SERPINB5: variants seen among roughly 807,000 people sequenced by gnomAD.
SERPINB5 encodes the protein serpin family B member 5, also known as serpin B5.
In SERPINB5, 27 loss-of-function variants were observed where a neutral mutation model predicts 32.2. The observed-to-expected ratio is 0.84, with a 90% CI of 0.62 to 1.16. SERPINB5 has a LOEUF of 1.16. Ranked by LOEUF, SERPINB5 falls within the 50% of genes most tolerant of loss-of-function variation. The probability of loss-of-function intolerance (pLI) is 0.00; values close to 1 mark genes in which losing one functional copy is unlikely to be tolerated. For missense variants in SERPINB5, 388 were observed against 436.3 expected (o/e 0.89, Z 0.99); for synonymous variants, 154 against 157.4 (o/e 0.98, Z 0.16).
chr18:63,502,046 T>C (rs1418573815), intron 6 of SERPINB5, among the ~76,000 whole-genome samples: 1 of 152,216 alleles, frequency 6.6e-6, no homozygotes, highest in African/African-American at 2.4e-5. Context: ...CTCTTTAGTT[T>C]AATTAGATCC....
At chr18:63,486,081 A>C (rs1917209251) in intron 2 of SERPINB5, 1 of 152,186 alleles carries the variant, frequency 6.6e-6, no homozygotes, top group East Asian at 1.9e-4. Flanking sequence ...ATGGCTTACA[A>C]TATTATTACA....
intron 4 of SERPINB5, among the ~76,000 whole-genome samples, chr18:63,492,736 G>A (rs1170812071): frequency 1.3e-5 from 2 of 152,174 alleles, no homozygotes; most frequent in African/African-American, 4.8e-5. Context: ...TTTCTTCCCT[G>A]CTCCTTCATT....
intron 4 of SERPINB5, among the ~76,000 whole-genome samples, chr18:63,492,471 C>T (rs893503475): frequency 1.3e-5 from 2 of 152,180 alleles, no homozygotes; most frequent in Non-Finnish European, 2.9e-5. Flanking sequence ...ATGTGAAATT[C>T]TGCCATAAAG....
chr18:63,496,954 G>C (rs554298104), intron 5 of SERPINB5: 1 of 455,640 alleles, frequency 2.2e-6, no homozygotes, highest in African/African-American at 2.0e-5. Flanking sequence ...GAAGAGCAGG[G>C]AGAGACCAAG....
In SERPINB5 at chr18:63,493,025, A is replaced by G; in HGVS notation, c.497A>G (p.Tyr166Cys). The G allele has an allele frequency of 6.2e-7, 1 of 1,614,246 alleles. No individual in the cohort carries two copies. The highest frequency in any genetic ancestry group is 8.5e-7 in the Non-Finnish European group (1 of 1,180,058). Residue 166 changes from tyrosine to cysteine, a missense_variant, in exon 5 of 7, where the codon TAC (tyrosine) becomes TGC (cysteine). Transcript: ENST00000382771. ...QTKILVVNAAYFVGKWMKKFS... is the reference protein window; with the variant it reads ...QTKILVVNAACFVGKWMKKFS... ...AAAATCCTTGTGGTTAATGCTGCCT[A>G]CTTTGTTGGCAAGTGGATGAAGAAA...
chr18:63,487,573 C>T (rs1599388901), intron 3 of SERPINB5, among the ~76,000 whole-genome samples: 1 of 152,308 alleles, frequency 6.6e-6, no homozygotes. Context: ...TATGAATTCA[C>T]AATTTTCATC....
intron 4 of SERPINB5, among the ~76,000 whole-genome samples, chr18:63,491,804 G>A (rs1909348034): frequency 6.6e-6 from 1 of 152,068 alleles, no homozygotes; most frequent in South Asian, 2.1e-4. Flanking sequence ...TGAAATGGGA[G>A]GCTCAGGGTT....
intron 6 of SERPINB5, among the ~76,000 whole-genome samples, chr18:63,502,397 A>T (rs1909588478): frequency 6.6e-6 from 1 of 152,128 alleles, no homozygotes; most frequent in Non-Finnish European, 1.5e-5. Context: ...GGCTTCCCAA[A>T]GTGCTGGGAT....
At chr18:63,485,606 A>T (rs1287605514) in intron 2 of SERPINB5, 2 of 152,212 alleles carry the variant, frequency 1.3e-5, no homozygotes, top group African/African-American at 4.8e-5. Context: ...ATCCCTACCC[A>T]ATCTCCCATT....
chr18:63,492,821 A>C, intron 4 of SERPINB5, 132 bp from the exon 5 acceptor site: 1 of 1,108,346 alleles, frequency 9.0e-7, no homozygotes, highest in Non-Finnish European at 1.3e-6. Flanking sequence ...CTGAAATTTG[A>C]TGGTTGGAAC....
chr18:63,480,719 A>G lies in SERPINB5; in HGVS notation c.-8+3674A>G, dbSNP rs529155742. ...CTACCTCAGACCAGATCAACTTTAT[A>G]GTGTTTTTAGGTCACTTGGGACTAA... On this transcript the variant is annotated intron_variant, in intron 1 of 6. Transcript: ENST00000382771. 3.9e-4 allele frequency among the ~76,000 whole-genome samples: 60 copies of G among 152,334 alleles called. 1 individual carries two copies. Among genetic ancestry groups the G allele is most frequent in the African/African-American group, 1.3e-3 (54 of 41,574 alleles).
intron 6 of SERPINB5, among the ~76,000 whole-genome samples, chr18:63,502,531 A>G (rs984497376): frequency 6.6e-6 from 1 of 152,170 alleles, no homozygotes; most frequent in African/African-American, 2.4e-5. Context: ...CCATTAAAAA[A>G]AAAAAGTAAC....
At chr18:63,482,906 GA>G (rs1482005607) in intron 1 of SERPINB5, among the ~76,000 whole-genome samples, 2 of 148,924 alleles carry the variant, frequency 1.3e-5, no homozygotes, top group African/African-American at 2.4e-5. Flanking sequence ...GTAATGAGAA[GA>G]GTGATATTGT....
chr18:63,503,622 A>C lies in SERPINB5; in HGVS notation c.1028A>C (p.Gln343Pro). ...GAGGTGCCAGGAGCACGGATCCTGCAGCACAAGGATGAATTGAATGCTGAC... is the reference window on the plus strand; with the variant it reads ...GAGGTGCCAGGAGCACGGATCCTGCCGCACAAGGATGAATTGAATGCTGAC... Reference protein sequence around the residue: ...SIEVPGARILQHKDELNADHP... With the variant: ...SIEVPGARILPHKDELNADHP... Residue 343 changes from glutamine to proline, a missense_variant, in exon 7 of 7, where the codon CAG becomes CCG. Transcript: ENST00000382771. 1.2e-6 allele frequency: 2 copies of C among 1,614,230 alleles called. No individual in the cohort carries two copies. The highest frequency in any genetic ancestry group is 1.7e-6 in the Non-Finnish European group (2 of 1,180,010).
chr18:63,493,280 C>G (rs899978950), intron 5 of SERPINB5, 185 bp downstream of exon 5: 2 of 704,688 alleles, frequency 2.8e-6, no homozygotes, highest in East Asian at 2.7e-5. Context: ...GAGGCCCCCC[C>G]TCCTCTTTTC....
chr18:63,489,312 A>T, intron 3 of SERPINB5, 35 bp from the exon 4 acceptor site: 1 of 1,209,454 alleles, frequency 8.3e-7, no homozygotes, highest in Non-Finnish European at 1.2e-6. Context: ...TAGCTTGACT[A>T]CAGACTCTGA....
At chr18:63,483,892 G>A (rs552266706) in intron 1 of SERPINB5, among the ~76,000 whole-genome samples, 172 of 152,254 alleles carry the variant, frequency 1.1e-3, no homozygotes, top group African/African-American at 3.9e-3. Flanking sequence ...CTGTTTCCAC[G>A]TAAGGTCACA....
At chr18:63,478,837 G>A (rs375886689) in intron 1 of SERPINB5, among the ~76,000 whole-genome samples, 11 of 146,058 alleles carry the variant, frequency 7.5e-5, no homozygotes, top group African/African-American at 1.5e-4. Context: ...TTGGCTCACC[G>A]CAACCTCACC....
rs1401923384 is a variant in SERPINB5, at chr18:63,504,383, C to G, written c.*661C>G. ...AAATCAACACCTTAATATGCTGCAA[C>G]AAAATGTAGAATATTCAGACAAAAT... On this transcript the variant is annotated 3_prime_UTR_variant, in exon 7 of 7. Transcript: ENST00000382771. 1 of 152,166 alleles carries G rather than the reference C, an allele frequency of 6.6e-6. No individual in the cohort carries two copies. The highest frequency in any genetic ancestry group is 1.5e-5 in the Non-Finnish European group (1 of 68,046). The allele number at this position is 152,166 out of a possible 1,614,324, so 9.4% of individuals were successfully genotyped here.
Sources: allele counts gnomAD v4.1 joint callset (sites outside exome capture counted in the v4.1 genomes callset), GRCh38; gene constraint gnomAD v4.1.1; transcripts MANE v1.5; gene names NCBI Gene and HGNC (gene_info 2026-07-23, HGNC 2026-07-21).